Variants in ATP2B2 observed in about 807,000 individuals in gnomAD.
The protein encoded by ATP2B2 is ATPase plasma membrane Ca2+ transporting 2.
A neutral mutation model predicts 120.0 loss-of-function variants in ATP2B2; 15 were observed. That is an observed-to-expected ratio of 0.12 (90% confidence interval 0.08 to 0.19). ATP2B2 has a LOEUF of 0.19. Ranked by LOEUF, ATP2B2 falls within the 10% of genes least tolerant of loss-of-function variation. The pLI is 1.00. For missense variants in ATP2B2, 1,045 were observed against 1,719.8 expected, an observed-to-expected ratio of 0.61 and a Z score of 6.94; for synonymous variants, 694 against 700.3, an observed-to-expected ratio of 0.99 and a Z score of 0.14.
chr3:10,641,688 T>C (rs1321264381), intron 1 of ATP2B2, among the ~76,000 whole-genome samples: 1 of 152,170 alleles, frequency 6.6e-6, no homozygotes, highest in Non-Finnish European at 1.5e-5. Context: ...AGCTGAGGGT[T>C]CATCTCTGGG....
chr3:10,425,826 C>T (rs1041620103), intron 2 of ATP2B2, among the ~76,000 whole-genome samples: 3 of 152,178 alleles, frequency 2.0e-5, no homozygotes, highest in African/African-American at 7.2e-5. Context: ...CTCCCTGTTC[C>T]CACCACCCTC....
chr3:10,348,881 G>A (rs1485682728), intron 16 of ATP2B2, among the ~76,000 whole-genome samples: 1 of 152,236 alleles, frequency 6.6e-6, no homozygotes, highest in East Asian at 1.9e-4. Flanking sequence ...AACAGTTATG[G>A]AGAGAATGAG....
At chr3:10,498,348 C>A (rs995390600) in intron 1 of ATP2B2, among the ~76,000 whole-genome samples, 2 of 152,244 alleles carry the variant, frequency 1.3e-5, no homozygotes, top group African/African-American at 4.8e-5. Flanking sequence ...CGTAGGATGG[C>A]GTGCCCTGCC....
rs1239181869 is a variant in ATP2B2 at position 10,342,338 on chromosome 3, C to T, written c.2917+414G>A. The stretch of plus-strand genomic sequence containing the variant: ...TCGGTGGTGGTGTGAGCGTGTATGC[C>T]CTGCCCCAGGAAGCCTTGCTGAGGG... On this transcript the variant is annotated intron_variant, in intron 19 of 22. Transcript: ENST00000360273. This position sits in a 1 kb window ranked among gnomAD's most constrained non-coding sequence, Gnocchi z 4.4. Among the ~76,000 whole-genome samples the T allele has an allele frequency of 6.6e-6, 1 of 151,972 alleles. No individual in the cohort carries two copies. The highest frequency in any genetic ancestry group is 1.5e-5 in the Non-Finnish European group (1 of 67,954).
Position 10,411,452 on chromosome 3 carries a change from G to A in ATP2B2, c.200-637C>T, listed in dbSNP as rs371724903. On this transcript the variant is annotated intron_variant, in intron 2 of 22. Coordinates refer to ENST00000360273, the MANE Select transcript of ATP2B2 (RefSeq NM_001001331.4). ...GAAGCGAATCCACACTCCTACAGCC[G>A]CCTTGCGCTGGTACCCTCCTTCCGC... Among the ~76,000 whole-genome samples the A allele has an allele frequency of 3.6e-4, 55 of 152,274 alleles. 1 individual carries two copies. The East Asian group carries it at 4.4e-3, about 12-fold the overall frequency.
chr3:10,441,761 T>C (rs2125144353), intron 2 of ATP2B2, among the ~76,000 whole-genome samples: 1 of 152,270 alleles, frequency 6.6e-6, no homozygotes, highest in South Asian at 2.1e-4. Flanking sequence ...TAAATAAATG[T>C]GTGTCCACCT....
At chr3:10,440,375 A>G (rs1222512021) in intron 2 of ATP2B2, among the ~76,000 whole-genome samples, 4 of 152,206 alleles carry the variant, frequency 2.6e-5, no homozygotes, top group South Asian at 2.1e-4. Context: ...TCACACTCAC[A>G]GGGACATAAA....
chr3:10,509,454 C>A (rs565395696), upstream of ATP2B2, among the ~76,000 whole-genome samples: 1 of 152,222 alleles, frequency 6.6e-6, no homozygotes, highest in Non-Finnish European at 1.5e-5. Flanking sequence ...CCTCTGACCC[C>A]CACAGATCAC....
At position 10,356,218 on chromosome 3, in the gene ATP2B2, G is replaced by C. The variant is rs193139676; in HGVS notation, c.2136+2473C>G. Among the ~76,000 whole-genome samples, 351 of 150,658 alleles carry C rather than the reference G, an allele frequency of 2.3e-3. 2 individuals are homozygous for C. The highest frequency in any genetic ancestry group is 8.2e-3 in the African/African-American group (338 of 41,020). ...CCAGGCAAAGGCCCTGAGGCAGGGA[G>C]GCAGAAAACCTGTTCTAATCTGGGT... On this transcript the variant is annotated intron_variant, in intron 14 of 22. Transcript: ENST00000360273.
chr3:10,638,214 C>A (rs151272006), intron 1 of ATP2B2, among the ~76,000 whole-genome samples: 280 of 152,148 alleles, frequency 1.8e-3, no homozygotes, highest in African/African-American at 6.1e-3. Context: ...TATTTAGCAA[C>A]TATGTAGGCA....
At chr3:10,354,246 T>G (rs703908) in intron 14 of ATP2B2, among the ~76,000 whole-genome samples, 20,165 of 152,214 alleles carry the variant, frequency 0.13, 1,834 homozygotes, top group East Asian at 0.4. Flanking sequence ...GACAAACAGC[T>G]CTGGCGCATC....
intron 2 of ATP2B2, among the ~76,000 whole-genome samples, chr3:10,542,483 C>G (rs2067461133): frequency 6.6e-6 from 1 of 152,118 alleles, no homozygotes; most frequent in Non-Finnish European, 1.5e-5. Flanking sequence ...AAAAAATTGT[C>G]TCCTTTCTGT....
At chr3:10,390,460 G>A (rs1198898064) in intron 5 of ATP2B2, among the ~76,000 whole-genome samples, 1 of 135,838 alleles carries the variant, frequency 7.4e-6, no homozygotes, top group Non-Finnish European at 1.6e-5. Flanking sequence ...TCCCGATGTT[G>A]TGTGTGTGTG....
chr3:10,655,320 C>A (rs774007801), intron 1 of ATP2B2, among the ~76,000 whole-genome samples: 1 of 101,028 alleles, frequency 9.9e-6, no homozygotes, highest in Admixed American at 9.5e-5. Context: ...AGTTTGTCAA[C>A]GCCCCTGCAC....
chr3:10,394,868 C>G (rs2061983107), intron 5 of ATP2B2, among the ~76,000 whole-genome samples: 1 of 151,980 alleles, frequency 6.6e-6, no homozygotes, highest in Non-Finnish European at 1.5e-5. Context: ...CCATCCTGGC[C>G]CCCTGGCTCC....
At chr3:10,529,776 G>A (rs1405146218) in intron 3 of ATP2B2, among the ~76,000 whole-genome samples, 1 of 152,218 alleles carries the variant, frequency 6.6e-6, no homozygotes, top group East Asian at 1.9e-4. Context: ...AAGTTAAAAT[G>A]AGGCCACTAG....
At chr3:10,433,912 C>G (rs2063398495) in intron 2 of ATP2B2, among the ~76,000 whole-genome samples, 1 of 151,750 alleles carries the variant, frequency 6.6e-6, no homozygotes, top group South Asian at 2.1e-4. Flanking sequence ...TTTTTCTGGA[C>G]CCCTGGAAGC....
At position 10,648,136 on chromosome 3, in the gene ATP2B2, G is replaced by A. The variant is rs144837223; in HGVS notation, c.-459-28175C>T. 2.5e-4 allele frequency among the ~76,000 whole-genome samples: 38 copies of A among 152,186 alleles called. No individual in the cohort carries two copies. In the East Asian group the frequency reaches 6.0e-3, roughly 24 times the overall value. On this transcript the variant is annotated intron_variant, in intron 1 of 21. Transcript: ENST00000646379. ...CAAGGAGATCAGCCTGAGGGTTGCC[G>A]GCTGTCCCCAGCTGGTTGCCCTTGA...
At chr3:10,445,061 AC>A (rs1362917074) in intron 2 of ATP2B2, among the ~76,000 whole-genome samples, 1 of 152,216 alleles carries the variant, frequency 6.6e-6, no homozygotes, top group African/African-American at 2.4e-5. Flanking sequence ...TGCATTGGGC[AC>A]CGCCAGTGTC....
Sources: allele counts gnomAD v4.1 joint callset (sites outside exome capture counted in the v4.1 genomes callset), GRCh38; gene constraint gnomAD v4.1.1; non-coding constraint Gnocchi (gnomAD v3.1); transcripts MANE v1.5; gene names NCBI Gene and HGNC (gene_info 2026-07-23, HGNC 2026-07-21).